CDH13: variants seen among roughly 807,000 people sequenced by gnomAD.
The protein encoded by CDH13 is cadherin-13.
CDH13 carries 24 observed loss-of-function variants against 63.8 expected under a neutral mutation model. The ratio of observed to expected loss-of-function variants is 0.38; its 90% CI spans 0.27 to 0.53. The LOEUF is 0.53. Among genes scored for constraint, CDH13 ranks in the 20% least tolerant of loss-of-function variants. The pLI is 0.85. For synonymous variants in CDH13, 503 were observed against 355.3 expected, an observed-to-expected ratio of 1.42 and a Z score of -4.67; for missense variants, 1,049 against 903.1, an observed-to-expected ratio of 1.16 and a Z score of -2.07.
At chr16:83,596,951 G>A (rs565984908) in intron 7 of CDH13, among the ~76,000 whole-genome samples, 28 of 152,266 alleles carry the variant, frequency 1.8e-4, no homozygotes, top group South Asian at 1.4e-3. Context: ...GGCAGGGCAC[G>A]GTGTCTCATG....
At chr16:82,730,679 C>A (rs918092101) in intron 1 of CDH13, among the ~76,000 whole-genome samples, 1 of 152,148 alleles carries the variant, frequency 6.6e-6, no homozygotes, top group Non-Finnish European at 1.5e-5. Flanking sequence ...TACACTTGCT[C>A]AATGCAGGGT....
chr16:83,765,435 G>T (rs1053243539), intron 11 of CDH13, among the ~76,000 whole-genome samples: 9 of 151,994 alleles, frequency 5.9e-5, no homozygotes, highest in South Asian at 2.1e-4. Flanking sequence ...GTGGATAATT[G>T]CTTCAGTTCT....
chr16:83,325,253 A>T (rs2090333722), intron 5 of CDH13, among the ~76,000 whole-genome samples: 1 of 151,672 alleles, frequency 6.6e-6, no homozygotes, highest in South Asian at 2.1e-4. Context: ...CTTGAGCTAC[A>T]ATAGGGGCAC....
intron 2 of CDH13, among the ~76,000 whole-genome samples, chr16:83,026,989 C>A (rs1228148060): frequency 6.6e-6 from 1 of 151,978 alleles, no homozygotes; most frequent in Non-Finnish European, 1.5e-5. Context: ...CTGAGTTCTT[C>A]ATTTCCTTGT....
intron 5 of CDH13, among the ~76,000 whole-genome samples, chr16:83,322,644 G>A (rs150135788): frequency 2.7e-3 from 413 of 152,232 alleles, no homozygotes; most frequent in Non-Finnish European, 4.5e-3. Flanking sequence ...TGAGCAGGGG[G>A]TGCCCAGATG....
intron 1 of CDH13, among the ~76,000 whole-genome samples, chr16:82,833,972 ATTGT>A (rs1432388068): frequency 2.0e-5 from 3 of 152,190 alleles, no homozygotes; most frequent in African/African-American, 7.2e-5. Context: ...TGGGTGGGGA[ATTGT>A]CTCTGAACCC....
chr16:83,018,168 C>T (rs1157604359), intron 2 of CDH13, among the ~76,000 whole-genome samples: 1 of 152,130 alleles, frequency 6.6e-6, no homozygotes, highest in African/African-American at 2.4e-5. Context: ...CAGTCTCTCC[C>T]AGCTTATCTC....
At chr16:82,896,977 T>C (rs1170099277) in intron 2 of CDH13, among the ~76,000 whole-genome samples, 1 of 150,182 alleles carries the variant, frequency 6.7e-6, no homozygotes, top group African/African-American at 2.5e-5. Context: ...GAGATGGGGT[T>C]TCATCATGTT....
At chr16:83,538,634 C>T (rs1454152570) in intron 7 of CDH13, among the ~76,000 whole-genome samples, 4 of 152,110 alleles carry the variant, frequency 2.6e-5, no homozygotes, top group Non-Finnish European at 4.4e-5. Flanking sequence ...AGATTGGCAT[C>T]GACTTAGTAG....
At chr16:83,376,238 G>C (rs1229772126) in intron 6 of CDH13, among the ~76,000 whole-genome samples, 1 of 152,116 alleles carries the variant, frequency 6.6e-6, no homozygotes, top group East Asian at 1.9e-4. Context: ...GTATGCCTCT[G>C]TTGGCCCAGT....
intron 1 of CDH13, among the ~76,000 whole-genome samples, chr16:82,856,131 C>A (rs779290952): frequency 4.6e-5 from 7 of 151,988 alleles, no homozygotes; most frequent in Non-Finnish European, 1.0e-4. Context: ...AATCCCAGCA[C>A]TTTGGGAGGC....
intron 1 of CDH13, among the ~76,000 whole-genome samples, chr16:82,813,955 A>G (rs2037576970): frequency 6.6e-6 from 1 of 152,100 alleles, no homozygotes; most frequent in Non-Finnish European, 1.5e-5. Flanking sequence ...TCATAAAACC[A>G]TTGTCGAGAC....
chr16:83,619,272 G>A (rs1176428514), intron 8 of CDH13, among the ~76,000 whole-genome samples: 1 of 152,196 alleles, frequency 6.6e-6, no homozygotes, highest in Non-Finnish European at 1.5e-5. Flanking sequence ...AGCATGGCTG[G>A]GGACAACCAG....
At chr16:83,158,467 A>G (rs2037309281) in intron 4 of CDH13, among the ~76,000 whole-genome samples, 1 of 152,186 alleles carries the variant, frequency 6.6e-6, no homozygotes, top group Admixed American at 6.5e-5. Context: ...GCCCAGGCTC[A>G]CGTGTACTTG....
At chr16:83,344,022 A>T (rs1388426803) in intron 5 of CDH13, among the ~76,000 whole-genome samples, 1 of 152,254 alleles carries the variant, frequency 6.6e-6, no homozygotes, top group Non-Finnish European at 1.5e-5. Flanking sequence ...CAGATAGGAA[A>T]GAGTTGTACT....
At chr16:83,369,645 A>G (rs2151396115) in intron 6 of CDH13, among the ~76,000 whole-genome samples, 1 of 152,108 alleles carries the variant, frequency 6.6e-6, no homozygotes, top group Admixed American at 6.5e-5. Context: ...GGTTGGTCTC[A>G]CATCCCTGGC....
At chr16:83,724,409 G>T (rs1411084712) in intron 10 of CDH13, among the ~76,000 whole-genome samples, 1 of 137,394 alleles carries the variant, frequency 7.3e-6, no homozygotes, top group African/African-American at 2.5e-5. Context: ...GGTGAGTGAT[G>T]AATGCATAGG....
chr16:83,346,173 A>C (rs180993886), intron 6 of CDH13, among the ~76,000 whole-genome samples: 2 of 152,236 alleles, frequency 1.3e-5, no homozygotes, highest in African/African-American at 4.8e-5. Context: ...TGTGTGCTGG[A>C]GGGTGTTTAG....
intron 1 of CDH13, among the ~76,000 whole-genome samples, chr16:82,727,077 A>G (rs1362082782): frequency 2.0e-5 from 3 of 152,136 alleles, no homozygotes; most frequent in Non-Finnish European, 4.4e-5. Flanking sequence ...GTCATTTGGC[A>G]AGGGGATGAG....
Sources: allele counts gnomAD v4.1 joint callset (sites outside exome capture counted in the v4.1 genomes callset), GRCh38; gene constraint gnomAD v4.1.1; transcripts MANE v1.5; gene names NCBI Gene and HGNC (gene_info 2026-07-23, HGNC 2026-07-21).